The following AGBL1 variants were observed in gnomAD, a reference collection of about 807,000 sequenced individuals.
AGBL1 encodes the protein cytosolic carboxypeptidase 4.
A neutral mutation model predicts 118.9 loss-of-function variants in AGBL1; 130 were observed. That is an observed-to-expected ratio of 1.09 (90% CI 0.95 to 1.26). The LOEUF (loss-of-function observed/expected upper bound fraction) is 1.26. AGBL1 is among the 50% of genes most tolerant of loss of function. The probability of loss-of-function intolerance (pLI) is 0.00; values close to 1 mark genes in which losing one functional copy is unlikely to be tolerated. For synonymous variants in AGBL1, 555 were observed against 478.9 expected (o/e 1.16, Z -2.08); for missense variants, 1,584 against 1,298.1 (o/e 1.22, Z -3.38).
intron 21 of AGBL1, among the ~76,000 whole-genome samples, chr15:86,594,738 A>T (rs920349957): frequency 3.3e-5 from 5 of 152,216 alleles, no homozygotes. Context: ...TCAATCATAC[A>T]TTGGAACATA....
intron 5 of AGBL1, among the ~76,000 whole-genome samples, chr15:86,163,026 G>C (rs1311555107): frequency 2.6e-5 from 4 of 152,188 alleles, no homozygotes; most frequent in African/African-American, 9.7e-5. Context: ...ATATTGGCCT[G>C]GGTGTCTTTT....
At position 86,666,630 on chromosome 15, in the gene AGBL1, C is replaced by T. The variant is rs186109054; in HGVS notation, c.2995-7643C>T. Reference sequence around the variant, plus strand: ...ACAAGGACTGTGTTAGTGTCAAGTACGATTTTGACAATTGGTTTTGCATGA... The same window carrying T: ...ACAAGGACTGTGTTAGTGTCAAGTATGATTTTGACAATTGGTTTTGCATGA... On this transcript the variant is annotated intron_variant, in intron 21 of 22. Coordinates refer to ENST00000614907, the MANE Select transcript of AGBL1 (RefSeq NM_001386094.1). 5.2e-3 allele frequency among the ~76,000 whole-genome samples: 785 copies of T among 152,170 alleles called. 6 individuals carry two copies. Among genetic ancestry groups the T allele is most frequent in the Non-Finnish European group, 8.5e-3 (579 of 68,012 alleles).
intron 5 of AGBL1, among the ~76,000 whole-genome samples, chr15:86,218,100 T>TATATGTTCCA (rs1264911674): frequency 2.2e-4 from 33 of 152,344 alleles, no homozygotes; most frequent in African/African-American, 7.0e-4. Context: ...GAAGTTAAAA[T>TATATGTTCCA]ATATGTTCCA....
chr15:86,113,186 G>A (rs60650963), intron 1 of AGBL1, among the ~76,000 whole-genome samples: 3 of 142,014 alleles, frequency 2.1e-5, no homozygotes, highest in Non-Finnish European at 4.8e-5. Context: ...GTTCAGTACC[G>A]TTCACCTCTT....
At chr15:86,739,858 G>C (rs1019933198) in intron 22 of AGBL1, among the ~76,000 whole-genome samples, 1 of 152,130 alleles carries the variant, frequency 6.6e-6, no homozygotes, top group African/African-American at 2.4e-5. Flanking sequence ...AGTTTATAAA[G>C]ACCCTCCCTC....
intron 22 of AGBL1, among the ~76,000 whole-genome samples, chr15:86,675,341 G>A (rs2085821120): frequency 6.6e-6 from 1 of 152,144 alleles, no homozygotes; most frequent in South Asian, 2.1e-4. Flanking sequence ...TCCTGTTCCT[G>A]TTAGGTGGCT....
chr15:86,145,099 C>G (rs1286293571), intron 3 of AGBL1, among the ~76,000 whole-genome samples: 1 of 152,182 alleles, frequency 6.6e-6, no homozygotes, highest in Non-Finnish European at 1.5e-5. Context: ...TCCTCTGTAT[C>G]ATTTCCTCTT....
At chr15:86,496,010 T>A (rs1221682446) in intron 18 of AGBL1, among the ~76,000 whole-genome samples, 5 of 151,832 alleles carry the variant, frequency 3.3e-5, no homozygotes. Context: ...TATTGAGTCT[T>A]TTTTTTAAAT....
chr15:86,607,356 C>G (rs1157469987), intron 21 of AGBL1, among the ~76,000 whole-genome samples: 1 of 152,142 alleles, frequency 6.6e-6, no homozygotes, highest in East Asian at 1.9e-4. Flanking sequence ...TTGAATGAAC[C>G]TCCTCTTGAA....
chr15:86,363,263 G>A (rs996210774), intron 17 of AGBL1, among the ~76,000 whole-genome samples: 1 of 152,086 alleles, frequency 6.6e-6, no homozygotes, highest in Non-Finnish European at 1.5e-5. Context: ...TGCAAACTGG[G>A]CACCTCCTGT....
chr15:86,636,640 C>T (rs2447282), intron 21 of AGBL1, among the ~76,000 whole-genome samples: 120,997 of 135,634 alleles, frequency 0.89, 54,126 homozygotes, highest in East Asian at 1. Flanking sequence ...TACTGAATCA[C>T]TGTGAGTCAG....
chr15:86,562,569 A>T (rs2083842129), intron 21 of AGBL1, among the ~76,000 whole-genome samples: 2 of 152,188 alleles, frequency 1.3e-5, no homozygotes, highest in African/African-American at 4.8e-5. Context: ...GGATTTTTGC[A>T]TCAATGTTCA....
At chr15:86,664,992 G>A (rs1245447982) in intron 21 of AGBL1, among the ~76,000 whole-genome samples, 1 of 152,030 alleles carries the variant, frequency 6.6e-6, no homozygotes, top group African/African-American at 2.4e-5. Context: ...TTTAAATCAT[G>A]CAACCTCATC....
chr15:86,316,407 G>T (rs2080010912), intron 17 of AGBL1, among the ~76,000 whole-genome samples: 1 of 152,120 alleles, frequency 6.6e-6, no homozygotes, highest in African/African-American at 2.4e-5. Flanking sequence ...CATGCCGTGG[G>T]TGGACAGGAA....
chr15:86,735,507 A>ATCTG (rs2077579438), intron 22 of AGBL1, among the ~76,000 whole-genome samples: 1 of 151,932 alleles, frequency 6.6e-6, no homozygotes, highest in African/African-American at 2.4e-5. Flanking sequence ...ACATCTATCT[A>ATCTG]TCTATCTATC....
intron 22 of AGBL1, among the ~76,000 whole-genome samples, chr15:86,677,649 A>G (rs577374057): frequency 7.9e-4 from 120 of 152,284 alleles, no homozygotes; most frequent in Non-Finnish European, 2.1e-4. Context: ...TAAAGCTCAG[A>G]GCTTCAGAGC....
At chr15:86,731,056 C>G (rs2077520713) in intron 22 of AGBL1, among the ~76,000 whole-genome samples, 1 of 152,086 alleles carries the variant, frequency 6.6e-6, no homozygotes, top group African/African-American at 2.4e-5. Context: ...GTCTCAAACT[C>G]CTGACCTCAG....
At chr15:86,605,571 C>G (rs1431893209) in intron 21 of AGBL1, among the ~76,000 whole-genome samples, 1 of 152,166 alleles carries the variant, frequency 6.6e-6, no homozygotes, top group Non-Finnish European at 1.5e-5. Context: ...GCTCTTTTTA[C>G]TTTCTAAATC....
Position 86,267,056 on chromosome 15 carries a change from C to G in AGBL1, c.1818C>G (p.Arg606=), listed in dbSNP as rs374732197. 1 of 1,564,480 alleles carries G rather than the reference C, an allele frequency of 6.4e-7. No individual in the cohort carries two copies. Among genetic ancestry groups the G allele is most frequent in the Non-Finnish European group, 8.7e-7 (1 of 1,153,386 alleles). ...CCAAATTTGAGTCAGGAAATCTTCG[C>G]AAAGCCATCCAAGTGCGTGAGTAAG... ...FFSKFESGNL[R]KAIQVREFEY... is the part of the protein sequence containing the mutation. The change falls in exon 13 of 23, where the codon CGC becomes CGG. Residue 606 remains arginine (R), a synonymous_variant. Transcript: ENST00000614907.
Sources: allele counts gnomAD v4.1 joint callset (sites outside exome capture counted in the v4.1 genomes callset), GRCh38; gene constraint gnomAD v4.1.1; transcripts MANE v1.5; gene names NCBI Gene and HGNC (gene_info 2026-07-23, HGNC 2026-07-21).